Variants in FAM186A observed in about 807,000 individuals in gnomAD.
FAM186A encodes the protein protein FAM186A.
A neutral mutation model predicts 216.8 loss-of-function variants in FAM186A; 163 were observed. The observed-to-expected ratio is 0.75, with a 90% CI of 0.66 to 0.86. The LOEUF (loss-of-function observed/expected upper bound fraction) is 0.86, where lower values mean the gene tolerates loss of function less well. FAM186A is among the 40% of genes least tolerant of loss of function. The pLI is 0.00. For missense variants in FAM186A, 2,184 were observed against 2,746.2 expected, an observed-to-expected ratio of 0.80 and a Z score of 4.58; for synonymous variants, 805 against 1,025.3, an observed-to-expected ratio of 0.79 and a Z score of 4.10.
chr12:50,344,084 G>T (rs2138766828), intron 4 of FAM186A, among the ~76,000 whole-genome samples: 2 of 147,396 alleles, frequency 1.4e-5, no homozygotes, highest in African/African-American at 2.5e-5. Context: ...AATTGAATTT[G>T]GTTTAATTCA....
intron 1 of FAM186A, among the ~76,000 whole-genome samples, chr12:50,387,691 C>G (rs572605527): frequency 2.6e-5 from 4 of 152,102 alleles, no homozygotes; most frequent in Non-Finnish European, 5.9e-5. Flanking sequence ...TCTCCTTGGC[C>G]GGCACCACGT....
chr12:50,362,743 CAAAAAAAAA>C (rs10654604), intron 2 of FAM186A, among the ~76,000 whole-genome samples: 2 of 85,920 alleles, frequency 2.3e-5, no homozygotes, highest in Admixed American at 2.9e-4. Flanking sequence ...GAACCTGTCT[CAAAAAAAAA>C]AAAAAAAAAA....
Position 50,351,058 on chromosome 12 carries a change from G to C in FAM186A, c.5774C>G (p.Pro1925Arg). 6.4e-7 allele frequency: 1 copy of C among 1,551,538 alleles called. No individual in the cohort carries two copies. Among genetic ancestry groups the C allele is most frequent in the Non-Finnish European group, 8.7e-7 (1 of 1,146,972 alleles). ...LPGRASSLWI[P>R]PTSRHPPTLW... ...TGTGGGAGGATGTCTAGAGGTGGGA[G>C]GGATCCATAATGAAGAAGCTCGCCC... The change falls in exon 4 of 8, where the codon CCT becomes CGT. Residue 1925 changes from proline to arginine, a missense_variant. Physicochemically the swap from Pro to Arg is moderately radical, Grantham distance 103. This residue lies in a region of FAM186A where 721 missense variants were observed against 816.4 expected (regional missense o/e 0.88). Coordinates refer to ENST00000327337, the MANE Select transcript of FAM186A (RefSeq NM_001145475.3).
chr12:50,389,236 C>T (rs1477462118), intron 1 of FAM186A, among the ~76,000 whole-genome samples: 1 of 152,004 alleles, frequency 6.6e-6, no homozygotes, highest in South Asian at 2.1e-4. Context: ...CACTGTGGCT[C>T]ACTCCTGTAA....
At chr12:50,377,692 G>C (rs1382176464) in intron 1 of FAM186A, among the ~76,000 whole-genome samples, 2 of 151,632 alleles carry the variant, frequency 1.3e-5, no homozygotes, top group South Asian at 2.1e-4. Flanking sequence ...AATTAGCCGG[G>C]CGTGGTGGCT....
chr12:50,351,228 G>A lies in FAM186A; in HGVS notation c.5604C>T (p.Ser1868=). 1.9e-6 allele frequency: 3 copies of A among 1,551,602 alleles called. No individual in the cohort carries two copies. Among genetic ancestry groups the A allele is most frequent in the Non-Finnish European group, 2.6e-6 (3 of 1,146,948 alleles). Residue 1868 remains serine, a synonymous_variant, in exon 4 of 8, where the codon TCC becomes TCT. Transcript: ENST00000327337. ...PGQPLVPEAS[S]IPGDLLESGP... ...CAGATTCCAGGAGGTCCCCAGGGAT[G>A]GAAGAGGCTTCAGGAACTAAGGGCT...
chr12:50,372,205 T>C (rs1214173181), intron 1 of FAM186A, among the ~76,000 whole-genome samples: 1 of 152,044 alleles, frequency 6.6e-6, no homozygotes, highest in East Asian at 1.9e-4. Flanking sequence ...TTGTAGCAAA[T>C]CTAACTTAAG....
At chr12:50,384,446 A>C (rs1943283396) in intron 1 of FAM186A, among the ~76,000 whole-genome samples, 1 of 152,220 alleles carries the variant, frequency 6.6e-6, no homozygotes, top group African/African-American at 2.4e-5. Flanking sequence ...AAATAAATAA[A>C]CTAAAACATG....
intron 1 of FAM186A, among the ~76,000 whole-genome samples, chr12:50,377,725 T>G (rs1943211626): frequency 6.7e-6 from 1 of 150,238 alleles, no homozygotes; most frequent in African/African-American, 2.5e-5. Context: ...CCCAGCTACT[T>G]AGAAGGCTGA....
In FAM186A at chr12:50,355,244, T is replaced by C; in HGVS notation, c.1588A>G (p.Thr530Ala). ...CCACTTTTGCCACCTTGGCTCTTTGTTTCAGTTAAAGAGAGATGTTTTCTT... is the reference window on the plus strand; with the variant it reads ...CCACTTTTGCCACCTTGGCTCTTTGCTTCAGTTAAAGAGAGATGTTTTCTT... The part of the protein sequence containing the change: ...AKRKHLSLTE[T>A]KSQGGKSGTS... Residue 530 changes from threonine (T) to alanine (A), a missense_variant, in exon 4 of 8, where the codon ACA becomes GCA. Thr to Ala is a moderately conservative substitution (Grantham distance 58, BLOSUM62 0). Transcript: ENST00000327337. The C allele has an allele frequency of 6.4e-7, 1 of 1,551,742 alleles. No homozygotes were observed. The highest frequency in any genetic ancestry group is 2.4e-5 in the East Asian group (1 of 40,922).
chr12:50,367,027 A>G (rs1943096083), intron 1 of FAM186A, among the ~76,000 whole-genome samples: 1 of 152,052 alleles, frequency 6.6e-6, no homozygotes, highest in African/African-American at 2.4e-5. Flanking sequence ...ACAAACAAAA[A>G]ACATATACAA....
At chr12:50,347,927 C>T (rs927593969) in intron 4 of FAM186A, among the ~76,000 whole-genome samples, 2 of 151,688 alleles carry the variant, frequency 1.3e-5, no homozygotes, top group African/African-American at 4.8e-5. Context: ...TTTTTTGAGA[C>T]GACGGCACAG....
intron 1 of FAM186A, among the ~76,000 whole-genome samples, chr12:50,381,633 G>A (rs1037846771): frequency 6.6e-6 from 1 of 152,162 alleles, no homozygotes; most frequent in Non-Finnish European, 1.5e-5. Flanking sequence ...AACAGGAGCA[G>A]CTATACTTAT....
chr12:50,387,002 G>C (rs1328988458), intron 1 of FAM186A, among the ~76,000 whole-genome samples: 2 of 151,520 alleles, frequency 1.3e-5, no homozygotes, highest in Non-Finnish European at 2.9e-5. Context: ...TAACACAGAA[G>C]ACTTCCATGA....
rs1299479678 is a variant in FAM186A at position 50,327,343 on chromosome 12, C to T, written c.*40G>A. The T allele has an allele frequency of 6.6e-7, 1 of 1,505,132 alleles. No individual in the cohort carries two copies. Among genetic ancestry groups the T allele is most frequent in the East Asian group, 2.5e-5 (1 of 40,688 alleles). 93.2% of individuals were successfully genotyped at this position (1,505,132 alleles called of 1,614,324 possible). ...AAAATAGGCATTTTACTGAAAGATA[C>T]TGAAATGTACTTTCAACATGCTTGT... On this transcript the variant is annotated 3_prime_UTR_variant, in exon 8 of 8. Transcript: ENST00000327337.
chr12:50,390,297 T>C (rs951165737), intron 1 of FAM186A, among the ~76,000 whole-genome samples: 1 of 152,124 alleles, frequency 6.6e-6, no homozygotes, highest in Non-Finnish European at 1.5e-5. Flanking sequence ...AAAGTAATAG[T>C]ATACAGGTAG....
chr12:50,337,855 C>T (rs1434628554), intron 4 of FAM186A, among the ~76,000 whole-genome samples: 2 of 152,074 alleles, frequency 1.3e-5, no homozygotes, highest in African/African-American at 4.8e-5. Flanking sequence ...AAGATGGCGC[C>T]ACTGCATTCC....
intron 1 of FAM186A, among the ~76,000 whole-genome samples, chr12:50,382,746 A>T (rs889651179): frequency 5.3e-5 from 8 of 152,082 alleles, no homozygotes; most frequent in Admixed American, 1.3e-4. Context: ...AGAAGTTTAG[A>T]TTTTAATAAA....
At chr12:50,377,414 T>C (rs928848213) in intron 1 of FAM186A, among the ~76,000 whole-genome samples, 1 of 152,202 alleles carries the variant, frequency 6.6e-6, no homozygotes, top group African/African-American at 2.4e-5. Context: ...TTTAGTCAAA[T>C]GAATCTATGA....
Sources: allele counts gnomAD v4.1 joint callset (sites outside exome capture counted in the v4.1 genomes callset), GRCh38; gene constraint gnomAD v4.1.1; regional missense constraint gnomAD v4.1.1; transcripts MANE v1.5; gene names NCBI Gene and HGNC (gene_info 2026-07-23, HGNC 2026-07-21).